Variants in VWA8 observed in about 807,000 individuals in gnomAD.
VWA8 encodes von Willebrand factor A domain-containing protein 8.
A neutral mutation model predicts 241.5 loss-of-function variants in VWA8; 221 were observed. That is an observed-to-expected ratio of 0.91 (90% CI 0.82 to 1.02). The LOEUF (loss-of-function observed/expected upper bound fraction) is 1.02. Ranked by LOEUF, VWA8 falls within the 50% of genes least tolerant of loss-of-function variation. The pLI is 0.00. For missense variants in VWA8, 2,322 were observed against 2,328.7 expected (o/e 1.00, Z 0.06); for synonymous variants, 852 against 827.1 (o/e 1.03, Z -0.52).
intron 12 of VWA8, among the ~76,000 whole-genome samples, chr13:41,841,839 A>ATATATATATG (rs1872060968): frequency 1.0e-5 from 1 of 98,474 alleles, no homozygotes; most frequent in African/African-American, 4.7e-5. Flanking sequence ...ATATATATAT[A>ATATATATATG]TATATATATA....
At chr13:41,898,337 C>G (rs1194078419) in intron 4 of VWA8, among the ~76,000 whole-genome samples, 1 of 150,300 alleles carries the variant, frequency 6.7e-6, no homozygotes, top group East Asian at 2.0e-4. Flanking sequence ...TATTTACAAT[C>G]CCTGAGCTAG....
chr13:41,650,288 TAC>T (rs923927349), intron 37 of VWA8, among the ~76,000 whole-genome samples: 73 of 152,334 alleles, frequency 4.8e-4, no homozygotes, highest in African/African-American at 1.7e-3. Flanking sequence ...AGTTCTATTT[TAC>T]AGATGGGGAA....
chr13:41,806,019 A>G (rs1160753121), intron 17 of VWA8, among the ~76,000 whole-genome samples: 1 of 150,902 alleles, frequency 6.6e-6, no homozygotes, highest in Non-Finnish European at 1.5e-5. Flanking sequence ...AAAAAAAAAG[A>G]AATGATGTCA....
At chr13:41,882,114 A>C (rs2138073220) in intron 9 of VWA8, among the ~76,000 whole-genome samples, 3 of 143,426 alleles carry the variant, frequency 2.1e-5, no homozygotes, top group Admixed American at 6.9e-5. Flanking sequence ...GACGCTCCTC[A>C]CCTCCCAGAC....
chr13:41,621,248 C>G (rs377027446), intron 37 of VWA8, among the ~76,000 whole-genome samples: 1 of 152,204 alleles, frequency 6.6e-6, no homozygotes, highest in Non-Finnish European at 1.5e-5. Flanking sequence ...TGATTTTGTT[C>G]AACTGTGGGC....
intron 42 of VWA8, among the ~76,000 whole-genome samples, chr13:41,579,579 C>T (rs561001054): frequency 6.6e-6 from 1 of 152,326 alleles, no homozygotes; most frequent in South Asian, 2.1e-4. Context: ...AATCACTTAA[C>T]CTCTCTGACA....
chr13:41,874,418 C>T (rs1388911341), intron 9 of VWA8, among the ~76,000 whole-genome samples: 4 of 152,018 alleles, frequency 2.6e-5, no homozygotes, highest in African/African-American at 4.8e-5. Context: ...GATGACATGA[C>T]TGTATATCTA....
chr13:41,826,335 C>T (rs1871167464), intron 14 of VWA8, among the ~76,000 whole-genome samples: 1 of 152,096 alleles, frequency 6.6e-6, no homozygotes, highest in Non-Finnish European at 1.5e-5. Flanking sequence ...GACATCTCAC[C>T]TCTGAAAAGT....
intron 37 of VWA8, among the ~76,000 whole-genome samples, chr13:41,636,776 G>T (rs181904957): frequency 0.033 from 5,009 of 152,208 alleles, 274 homozygotes; most frequent in African/African-American, 0.11. Context: ...ACACTTTTCA[G>T]AAGAAGACAT....
At chr13:41,792,037 A>C (rs904634260) in intron 17 of VWA8, among the ~76,000 whole-genome samples, 1 of 151,942 alleles carries the variant, frequency 6.6e-6, no homozygotes, top group Non-Finnish European at 1.5e-5. Flanking sequence ...TAAAAAATTT[A>C]AAGTATAAAA....
chr13:41,674,063 A>G (rs577376432), intron 36 of VWA8, among the ~76,000 whole-genome samples: 5 of 152,364 alleles, frequency 3.3e-5, no homozygotes, highest in Admixed American at 3.3e-4. Context: ...CAAATGATTA[A>G]AAGCCATTTT....
chr13:41,856,597 G>A (rs2138037047), intron 12 of VWA8, among the ~76,000 whole-genome samples: 1 of 152,252 alleles, frequency 6.6e-6, no homozygotes, highest in Admixed American at 6.5e-5. Flanking sequence ...AAGGCGGGAG[G>A]ACTGCTTGAG....
Position 41,912,104 on chromosome 13 carries a change from CA to C in VWA8, c.305del (p.Leu102TrpfsTer7). The C allele has an allele frequency of 6.2e-7, 1 of 1,609,884 alleles. No individual in the cohort carries two copies. Among genetic ancestry groups the C allele is most frequent in the Non-Finnish European group, 8.5e-7 (1 of 1,177,454 alleles). On this transcript the variant is annotated frameshift_variant, in exon 3 of 45. Transcript: ENST00000379310. LOFTEE classifies it high-confidence loss of function. ...HLRWIMQKDL[L>X]GQDVFLIGPP... The stretch of plus-strand genomic sequence containing the variant: ...GTCCTATTAGAAAAACATCTTGCCC[CA>C]AAAGATCCTTCTGCATTATCCATCT...
rs374621428 is a variant in VWA8, at chr13:41,758,369, CATATAT to C, written c.2426+2753_2426+2758del. Among the ~76,000 whole-genome samples the C allele has an allele frequency of 6.2e-4, 45 of 72,980 alleles. No individual in the cohort carries two copies. In the East Asian group the frequency reaches 6.3e-3, roughly 10 times the overall value. The allele number at this position is 72,980 out of a possible 152,430, so 47.9% of individuals were successfully genotyped here. A position where few individuals can be genotyped will look rare whatever the true frequency, so the allele number is the denominator to read the frequency against. On this transcript the variant is annotated intron_variant, in intron 21 of 44. Coordinates refer to ENST00000379310, the MANE Select transcript of VWA8 (RefSeq NM_015058.2). ...TTTTTCCCATTGCTATAGATACTAG[CATATAT>C]ATATATATATATATATACGCTAGTA...
At chr13:41,910,894 A>G (rs1392628394) in intron 3 of VWA8, among the ~76,000 whole-genome samples, 2 of 152,216 alleles carry the variant, frequency 1.3e-5, no homozygotes, top group African/African-American at 4.8e-5. Flanking sequence ...CATTGAAATC[A>G]ATCATTTCAT....
chr13:41,677,109 A>T (rs2045065647), intron 35 of VWA8, among the ~76,000 whole-genome samples: 2 of 152,102 alleles, frequency 1.3e-5, no homozygotes, highest in African/African-American at 4.8e-5. Flanking sequence ...TGGGATTTCA[A>T]CATTTGGGGT....
chr13:41,933,576 A>C (rs1877221156), intron 2 of VWA8, among the ~76,000 whole-genome samples: 2 of 152,066 alleles, frequency 1.3e-5, no homozygotes, highest in Admixed American at 1.3e-4. Context: ...GTAAAGCTAC[A>C]GTAGTCAAAA....
chr13:41,721,689 C>T (rs899991276), intron 24 of VWA8, 114 bp from the exon 25 acceptor site: 9 of 1,102,950 alleles, frequency 8.2e-6, no homozygotes, highest in Middle Eastern at 2.2e-4. Flanking sequence ...GCATAGAAAG[C>T]CCATCCAACA....
chr13:41,734,036 CG>C, intron 21 of VWA8, among the ~76,000 whole-genome samples: 1 of 152,222 alleles, frequency 6.6e-6, no homozygotes, highest in Non-Finnish European at 1.5e-5. Context: ...AATTCTCTTA[CG>C]GGTAAGAAAT....
Sources: allele counts gnomAD v4.1 joint callset (sites outside exome capture counted in the v4.1 genomes callset), GRCh38; gene constraint gnomAD v4.1.1; transcripts MANE v1.5; gene names NCBI Gene and HGNC (gene_info 2026-07-23, HGNC 2026-07-21).